GPR157: variants seen among roughly 807,000 people sequenced by gnomAD.
GPR157 encodes the protein G-protein coupled receptor 157.
GPR157 carries 16 observed loss-of-function variants against 23.5 expected under a neutral mutation model. That is an observed-to-expected ratio of 0.68 (90% CI 0.46 to 1.04). The LOEUF (loss-of-function observed/expected upper bound fraction) is 1.04. Ranked by LOEUF, GPR157 falls within the 50% of genes least tolerant of loss-of-function variation. The pLI, the probability that GPR157 is intolerant of heterozygous loss-of-function variation, is 0.00. For missense variants in GPR157, 440 were observed against 460.7 expected (o/e 0.96, Z 0.41); for synonymous variants, 200 against 221.5 (o/e 0.90, Z 0.86).
intron 2 of GPR157, among the ~76,000 whole-genome samples, chr1:9,110,272 C>G (rs1638451358): frequency 6.6e-6 from 1 of 152,202 alleles, no homozygotes; most frequent in African/African-American, 2.4e-5. Context: ...CCTGTAATCC[C>G]AGCATTTTGG....
intron 1 of GPR157, among the ~76,000 whole-genome samples, chr1:9,123,240 A>AT (rs1393527108): frequency 2.4e-4 from 12 of 49,768 alleles, no homozygotes; most frequent in Non-Finnish European, 3.4e-4. Flanking sequence ...TTAAATATAT[A>AT]TTAATTTAAA....
intron 1 of GPR157, among the ~76,000 whole-genome samples, chr1:9,117,395 G>C (rs1391255067): frequency 6.6e-6 from 1 of 152,210 alleles, no homozygotes; most frequent in Non-Finnish European, 1.5e-5. Flanking sequence ...GCTGCAGGTA[G>C]TCTAAATCTG....
In GPR157 at chr1:9,105,662, AC is replaced by A. The variant is rs1638293882; in HGVS notation, c.615del (p.Glu205AspfsTer43). On this transcript the variant is annotated frameshift_variant, in exon 3 of 4. Transcript: ENST00000377411. LOFTEE classifies it high-confidence loss of function. The surrounding 1 kb of genome is among the most constrained non-coding windows in gnomAD (Gnocchi z 4.8). ...TGCTCCTGGGAGAGGATGGGCCGGT[AC>A]TCAGAGAGTGCCGTGTGCTGTGTGG... ...HINRAHTALSEYRPILSQEHR... is the reference protein window; with the variant it reads ...HINRAHTALSXYRPILSQEHR... 6.2e-7 allele frequency: 1 copy of A among 1,611,138 alleles called. No homozygotes were observed. Among genetic ancestry groups the A allele is most frequent in the Admixed American group, 1.7e-5 (1 of 59,800 alleles).
chr1:9,127,533 C>T (rs1290320686), intron 1 of GPR157, among the ~76,000 whole-genome samples: 1 of 152,208 alleles, frequency 6.6e-6, no homozygotes, highest in African/African-American at 2.4e-5. Context: ...ATTCCATCTG[C>T]AGCATCTGAG....
chr1:9,128,517 G>A lies in GPR157; in HGVS notation c.383+128C>T. On this transcript the variant is annotated intron_variant, in intron 1 of 3. Transcript: ENST00000377411. The surrounding 1 kb of genome is among the most constrained non-coding windows in gnomAD (Gnocchi z 6.3). ...CCCGCTGGCCCAGGACAGCCTCGGG[G>A]GCGCCAGCAGGCACTGCTTGCTGTG... 2.3e-6 allele frequency: 2 copies of A among 880,314 alleles called. No homozygotes were observed. Among genetic ancestry groups the A allele is most frequent in the Non-Finnish European group, 3.6e-6 (2 of 557,508 alleles). The allele number at this position is 880,314 out of a possible 1,614,324, so 54.5% of individuals were successfully genotyped here.
chr1:9,126,445 C>T (rs548054225), intron 1 of GPR157, among the ~76,000 whole-genome samples: 20 of 152,196 alleles, frequency 1.3e-4, no homozygotes, highest in African/African-American at 4.1e-4. Flanking sequence ...TTCCTAAACG[C>T]ACATTAGAAT....
At position 9,104,568 on chromosome 1, in the gene GPR157, G is replaced by A. The variant is rs762095374; in HGVS notation, c.859C>T (p.Arg287Ter). Residue 287 changes from arginine (R) to a stop codon, truncating the protein, a stop_gained, in exon 4 of 4, where the codon CGA becomes TGA. Coordinates refer to ENST00000377411, the MANE Select transcript of GPR157 (RefSeq NM_024980.5). LOFTEE classifies it low-confidence loss of function (END_TRUNC). ...CAACAGAGAGAGAAGAGCCGAGTTC[G>A]GACGGCGCGGGTGCAGAGGACGAAC... is the stretch of plus-strand genomic sequence containing the variant. ...IMFVLCTRAV[R>*]TRLFSLCCCC... The A allele has an allele frequency of 1.3e-5, 21 of 1,613,712 alleles. 1 individual carries two copies. Among genetic ancestry groups the A allele is most frequent in the Middle Eastern group, 1.6e-4 (1 of 6,076 alleles).
rs1377477561 is a variant in GPR157, at chr1:9,104,286, T to C, written c.*133A>G. The C allele has an allele frequency of 6.0e-6, 4 of 662,702 alleles. No individual in the cohort carries two copies. The highest frequency in any genetic ancestry group is 2.6e-6 in the Non-Finnish European group (1 of 385,462). 41.1% of individuals were successfully genotyped at this position (662,702 alleles called of 1,614,324 possible). The stretch of plus-strand genomic sequence containing the variant: ...GCTGAGTTGGCAGCTGCTCTCCCAA[T>C]GGAGCCGAGAGCATCAATAGCGGGG... On this transcript the variant is annotated 3_prime_UTR_variant, in exon 4 of 4. Coordinates refer to ENST00000377411, the MANE Select transcript of GPR157 (RefSeq NM_024980.5).
rs1447839575 is a variant in GPR157, at chr1:9,100,380, A to T, written c.*4039T>A. The T allele has an allele frequency of 6.6e-6, 1 of 152,220 alleles. No homozygotes were observed. Among genetic ancestry groups the T allele is most frequent in the Non-Finnish European group, 1.5e-5 (1 of 68,038 alleles). 9.4% of individuals were successfully genotyped at this position (152,220 alleles called of 1,614,324 possible). A position where few individuals can be genotyped will look rare whatever the true frequency, so the allele number is the denominator to read the frequency against. Reference sequence around the variant, plus strand: ...TCCACCCAGTCAGGGCTTGCATTACAATTTTGCAGGTGCAAAAACTCACAC... The same window carrying T: ...TCCACCCAGTCAGGGCTTGCATTACTATTTTGCAGGTGCAAAAACTCACAC... On this transcript the variant is annotated 3_prime_UTR_variant, in exon 4 of 4. Transcript: ENST00000377411.
At chr1:9,123,737 TATTTA>T (rs1638900816) in intron 1 of GPR157, among the ~76,000 whole-genome samples, 1 of 126,204 alleles carries the variant, frequency 7.9e-6, no homozygotes, top group African/African-American at 2.9e-5. Flanking sequence ...TTTAAATATA[TATTTA>T]ATATTATATA....
intron 1 of GPR157, among the ~76,000 whole-genome samples, chr1:9,122,002 C>A (rs1304356393): frequency 6.6e-6 from 1 of 152,206 alleles, no homozygotes; most frequent in Non-Finnish European, 1.5e-5. Context: ...GGCCATACAG[C>A]TGATGCCTGG....
At position 9,118,548 on chromosome 1, in the gene GPR157, C is replaced by T. The variant is rs1337623794; in HGVS notation, c.384-7059G>A. On this transcript the variant is annotated intron_variant, in intron 1 of 3. Coordinates refer to ENST00000377411, the MANE Select transcript of GPR157 (RefSeq NM_024980.5). This position sits in a 1 kb window ranked among gnomAD's most constrained non-coding sequence, Gnocchi z 4.6. ...TATTTGCCTAGAAATGAAAGCCAGA[C>T]TCCAAGTCGGCTTCCTTCCCACTCA... 6.6e-6 allele frequency among the ~76,000 whole-genome samples: 1 copy of T among 152,186 alleles called. No homozygotes were observed. Among genetic ancestry groups the T allele is most frequent in the Non-Finnish European group, 1.5e-5 (1 of 68,024 alleles).
chr1:9,126,153 T>C (rs1297256702), intron 1 of GPR157, among the ~76,000 whole-genome samples: 1 of 152,132 alleles, frequency 6.6e-6, no homozygotes, highest in Non-Finnish European at 1.5e-5. Context: ...AGACGCGGTT[T>C]TGCCATGTTG....
chr1:9,128,973 G>A lies in GPR157; in HGVS notation c.55C>T (p.Leu19=). The A allele has an allele frequency of 8.7e-6, 12 of 1,382,948 alleles. No homozygotes were observed. The highest frequency in any genetic ancestry group is 1.1e-5 in the Non-Finnish European group (12 of 1,072,774). The allele number at this position is 1,382,948 out of a possible 1,614,324, so 85.7% of individuals were successfully genotyped here. Residue 19 remains leucine (L), a synonymous_variant, in exon 1 of 4, where the codon CTG becomes TTG. Transcript: ENST00000377411. This position sits in a 1 kb window ranked among gnomAD's most constrained non-coding sequence, Gnocchi z 6.3. ...ELVPSERAVV[L]LSCALSALGS... ...AGCGCGGAGAGTGCGCACGACAGCA[G>A]CACCACGGCGCGCTCCGACGGCACC...
chr1:9,117,761 CA>C (rs571591398), intron 1 of GPR157, among the ~76,000 whole-genome samples: 1 of 150,614 alleles, frequency 6.6e-6, no homozygotes, highest in Non-Finnish European at 1.5e-5. Flanking sequence ...GACTCCGTCT[CA>C]AAAAAAAGCA....
chr1:9,123,683 ATATTTAATATATATTTAATTTTAAATATG>A (rs1251776414), intron 1 of GPR157, among the ~76,000 whole-genome samples: 3 of 115,124 alleles, frequency 2.6e-5, no homozygotes, highest in African/African-American at 1.1e-4. Flanking sequence ...TATTAAATAT[ATATTTAATATATATTTAATTTTAAATATG>A]TATTTATATA....
chr1:9,111,471 G>T lies in GPR157; in HGVS notation c.402C>A (p.Val134=). Residue 134 remains valine, a synonymous_variant, in exon 2 of 4, where the codon GTC becomes GTA. Coordinates refer to ENST00000377411, the MANE Select transcript of GPR157 (RefSeq NM_024980.5). ...TCAGGGCGACGGCTGCCACAGTGAT[G>T]ACCAACGGGACCCCCCAGCTGAGGA... ...FHVVSWGVPL[V]ITVAAVALKK... The T allele has an allele frequency of 6.2e-7, 1 of 1,613,570 alleles. No individual in the cohort carries two copies. Among genetic ancestry groups the T allele is most frequent in the South Asian group, 1.1e-5 (1 of 91,034 alleles).
chr1:9,110,936 A>AG (rs1229048645), intron 2 of GPR157, among the ~76,000 whole-genome samples: 3 of 152,182 alleles, frequency 2.0e-5, no homozygotes, highest in African/African-American at 7.2e-5. Context: ...GCCGTCCACC[A>AG]GGGGGCAGGA....
Position 9,120,431 on chromosome 1 carries a change from C to G in GPR157, c.383+8214G>C, listed in dbSNP as rs534317388. Among the ~76,000 whole-genome samples the G allele has an allele frequency of 1.3e-5, 2 of 152,314 alleles. No individual in the cohort carries two copies. Among genetic ancestry groups the G allele is most frequent in the Non-Finnish European group, 1.5e-5 (1 of 68,032 alleles). ...CAGAAAACGCTTTGAGAACCAAACT[C>G]TTGTGCAACAATATGCCAATTTAAA... On this transcript the variant is annotated intron_variant, in intron 1 of 3. Transcript: ENST00000377411. The surrounding 1 kb of genome is among the most constrained non-coding windows in gnomAD (Gnocchi z 4.1).
Sources: gnomAD v4.1 joint callset for allele counts (sites outside exome capture counted in the v4.1 genomes callset) on GRCh38, gnomAD v4.1.1 for gene constraint, Gnocchi (gnomAD v3.1) non-coding constraint, MANE v1.5 for transcripts, NCBI Gene and HGNC (gene_info 2026-07-23, HGNC 2026-07-21) for gene names.